Variants in NBEA observed in about 807,000 individuals in gnomAD.
NBEA encodes the protein lysosomal-trafficking regulator 2.
A neutral mutation model predicts 343.4 loss-of-function variants in NBEA; 44 were observed. The observed-to-expected ratio is 0.13, with a 90% CI of 0.10 to 0.16. The LOEUF (loss-of-function observed/expected upper bound fraction) is 0.16. Among genes scored for constraint, NBEA ranks in the 10% least tolerant of loss-of-function variants. The pLI is 1.00. For missense variants in NBEA, 2,555 were observed against 3,631.3 expected (o/e 0.70, Z 7.62); for synonymous variants, 1,175 against 1,238.7 (o/e 0.95, Z 1.08).
intron 30 of NBEA, chr13:35,185,278 T>A (rs74048938): frequency 0.044 from 6,675 of 152,198 alleles, 171 homozygotes; most frequent in South Asian, 0.078. Flanking sequence ...TTGAATGAGT[T>A]TTGAAGAGGA....
intron 41 of NBEA, among the ~76,000 whole-genome samples, chr13:35,518,231 G>A (rs372717599): frequency 1.6e-4 from 24 of 152,044 alleles, no homozygotes; most frequent in Admixed American, 1.2e-3. Flanking sequence ...TTATATGTAT[G>A]ATATATGGAA....
intron 38 of NBEA, among the ~76,000 whole-genome samples, chr13:35,428,213 C>T (rs1049083272): frequency 2.0e-5 from 3 of 152,180 alleles, no homozygotes; most frequent in African/African-American, 4.8e-5. Flanking sequence ...AATCACCCAT[C>T]TTCTGCGTTG....
At chr13:35,273,139 T>C (rs1352282661) in intron 34 of NBEA, among the ~76,000 whole-genome samples, 1 of 151,992 alleles carries the variant, frequency 6.6e-6, no homozygotes, top group Admixed American at 6.6e-5. Flanking sequence ...AGAACAGAAA[T>C]CACAACAAAC....
chr13:35,278,280 A>T (rs1301921507), intron 34 of NBEA, among the ~76,000 whole-genome samples: 1 of 151,914 alleles, frequency 6.6e-6, no homozygotes, highest in African/African-American at 2.4e-5. Context: ...ACAATGGAAG[A>T]AAAAAGGATA....
chr13:35,571,898 T>A (rs372876909), intron 45 of NBEA, among the ~76,000 whole-genome samples: 3 of 152,290 alleles, frequency 2.0e-5, no homozygotes, highest in East Asian at 3.9e-4. Flanking sequence ...ATTTATAATA[T>A]TCTTACTTGT....
intron 1 of NBEA, among the ~76,000 whole-genome samples, chr13:35,002,691 A>G (rs2061182398): frequency 6.6e-6 from 1 of 152,178 alleles, no homozygotes; most frequent in Admixed American, 6.6e-5. Context: ...TTATTAATCA[A>G]AATAGGAACC....
intron 41 of NBEA, among the ~76,000 whole-genome samples, chr13:35,540,810 A>G (rs901673431): frequency 1.3e-5 from 2 of 151,752 alleles, no homozygotes; most frequent in South Asian, 4.1e-4. Context: ...ATTTAAAAGG[A>G]CCTGCCACAA....
chr13:35,550,498 C>A lies in NBEA; in HGVS notation c.6607C>A (p.Leu2203Ile). 1 of 1,612,138 alleles carries A rather than the reference C, an allele frequency of 6.2e-7. No individual in the cohort carries two copies. Among genetic ancestry groups the A allele is most frequent in the Non-Finnish European group, 8.5e-7 (1 of 1,178,450 alleles). The change falls in exon 42 of 59, where the codon CTT (leucine) becomes ATT (isoleucine). Residue 2203 changes from leucine to isoleucine, a missense_variant. Leu to Ile is a conservative substitution (Grantham distance 5, BLOSUM62 2). Transcript: ENST00000379939. ...DTKVLAYTEG[L>I]HGKWMFSEIR... ...TTAGGTTCTTGCATACACTGAGGGA[C>A]TTCACGGAAAATGGATGTTCAGCGA...
chr13:35,205,212 G>A (rs1311859766), intron 31 of NBEA, among the ~76,000 whole-genome samples: 1 of 152,112 alleles, frequency 6.6e-6, no homozygotes, highest in African/African-American at 2.4e-5. Context: ...CTGAATCAAA[G>A]GGGAAATAGT....
chr13:35,430,863 T>A (rs914272283), intron 38 of NBEA, among the ~76,000 whole-genome samples: 1 of 152,138 alleles, frequency 6.6e-6, no homozygotes, highest in South Asian at 2.1e-4. Context: ...TTATTACTAT[T>A]ATTCATCAAG....
intron 38 of NBEA, among the ~76,000 whole-genome samples, chr13:35,411,475 G>A (rs1317909897): frequency 8.3e-6 from 1 of 120,010 alleles, no homozygotes; most frequent in Non-Finnish European, 1.8e-5. Flanking sequence ...TTTTTTTTTT[G>A]AGACAGAGTT....
rs181060060 is a variant in NBEA, at chr13:35,138,561, G to A, written c.2337-3708G>A. On this transcript the variant is annotated intron_variant, in intron 17 of 58. Transcript: ENST00000379939. ...TGCAACCTACACCTCCCATGTTCAAGTGATTCTCCTGCCTTGGCCTCCAGA... is the reference window on the plus strand; with the variant it reads ...TGCAACCTACACCTCCCATGTTCAAATGATTCTCCTGCCTTGGCCTCCAGA... Among the ~76,000 whole-genome samples, 12 of 150,960 alleles carry A rather than the reference G, an allele frequency of 7.9e-5. No individual in the cohort carries two copies. The East Asian group carries it at 2.4e-3, about 30-fold the overall frequency.
intron 41 of NBEA, chr13:35,476,450 T>G: frequency 1.1e-6 from 1 of 888,570 alleles, no homozygotes; most frequent in Non-Finnish European, 1.8e-6. Flanking sequence ...AAAGAATCCT[T>G]GTGTGAGAGA....
chr13:35,017,125 A>G (rs2061685230), intron 1 of NBEA, among the ~76,000 whole-genome samples: 2 of 152,112 alleles, frequency 1.3e-5, no homozygotes, highest in African/African-American at 4.8e-5. Context: ...GTGGGAAGGG[A>G]GCAAAGGCAA....
chr13:35,435,109 A>C (rs987435887), intron 39 of NBEA, among the ~76,000 whole-genome samples: 20 of 152,042 alleles, frequency 1.3e-4, no homozygotes, highest in Non-Finnish European at 2.5e-4. Flanking sequence ...GCTCACTTCA[A>C]CCTTCACCTC....
rs576100349 is a variant in NBEA, at chr13:35,006,867, C to T, written c.295-34066C>T. On this transcript the variant is annotated intron_variant, in intron 1 of 58. Coordinates refer to ENST00000379939, the MANE Select transcript of NBEA (RefSeq NM_001385012.1). ...TCCTGGATTCAAGGGATTCTCCTGC[C>T]TCAGCCTCTCGAATAGCTGGGATTA... Among the ~76,000 whole-genome samples the T allele has an allele frequency of 5.9e-3, 895 of 152,304 alleles. 4 individuals are homozygous for T. The highest frequency in any genetic ancestry group is 8.9e-3 in the Non-Finnish European group (603 of 68,024).
chr13:35,050,394 A>G lies in NBEA; in HGVS notation c.971A>G (p.Lys324Arg). The G allele has an allele frequency of 6.2e-7, 1 of 1,606,494 alleles. No individual in the cohort carries two copies. The highest frequency in any genetic ancestry group is 1.1e-5 in the South Asian group (1 of 90,488). The change falls in exon 6 of 59, where the codon AAG (lysine) becomes AGG (arginine). Residue 324 changes from lysine to arginine, a missense_variant and splice_region_variant. Physicochemically the swap from Lys to Arg is conservative, Grantham distance 26. Around this residue, in one of 21 missense-constraint regions of NBEA, gnomAD observed 75 missense variants for 237.4 expected, o/e 0.32. Coordinates refer to ENST00000379939, the MANE Select transcript of NBEA (RefSeq NM_001385012.1). ...GTGAAATATGATTTTCAACCACGCA[A>G]GGTAGGTAAAAGTAAATATTTTTAT... Reference protein sequence around the residue: ...HCVKYDFQPRKWYMISIVHIY... With the variant: ...HCVKYDFQPRRWYMISIVHIY...
rs559297343 is a variant in NBEA, at chr13:35,098,638, A to G, written c.1680+233A>G. Among the ~76,000 whole-genome samples, 3 of 152,318 alleles carry G rather than the reference A, an allele frequency of 2.0e-5. No homozygotes were observed. In the East Asian group the frequency reaches 5.8e-4, roughly 29 times the overall value. Reference sequence around the variant, plus strand: ...AAATAAAAAATTTACATCTATATCTATTCAAGCAATAAGTATCATTTCTCT... The same window carrying G: ...AAATAAAAAATTTACATCTATATCTGTTCAAGCAATAAGTATCATTTCTCT... On this transcript the variant is annotated intron_variant, in intron 11 of 58. Coordinates refer to ENST00000379939, the MANE Select transcript of NBEA (RefSeq NM_001385012.1).
intron 44 of NBEA, among the ~76,000 whole-genome samples, chr13:35,559,033 C>T (rs1404890976): frequency 6.6e-6 from 1 of 152,162 alleles, no homozygotes; most frequent in Non-Finnish European, 1.5e-5. Context: ...CTGAGGTACT[C>T]TCCCTGGATA....
Sources: gnomAD v4.1 joint callset for allele counts (sites outside exome capture counted in the v4.1 genomes callset) on GRCh38, gnomAD v4.1.1 for gene constraint, gnomAD v4.1.1 regional missense constraint, MANE v1.5 for transcripts, NCBI Gene and HGNC (gene_info 2026-07-23, HGNC 2026-07-21) for gene names.